PCSK5: variants seen among roughly 807,000 people sequenced by gnomAD.
PCSK5 encodes the protein proprotein convertase subtilisin/kexin type 5, also known as prohormone convertase 5.
PCSK5 carries 129 observed loss-of-function variants against 233.2 expected under a neutral mutation model. The observed-to-expected ratio is 0.55, with a 90% confidence interval of 0.48 to 0.64. The LOEUF is 0.64. PCSK5 is among the 30% of genes least tolerant of loss of function. The pLI is 0.00. For missense variants in PCSK5, 2,076 were observed against 2,430.1 expected, an observed-to-expected ratio of 0.85 and a Z score of 3.06; for synonymous variants, 825 against 879.2, an observed-to-expected ratio of 0.94 and a Z score of 1.09.
At position 76,239,110 on chromosome 9, in the gene PCSK5, G is replaced by A. The variant is rs1178027258; in HGVS notation, c.3018G>A (p.Lys1006=). The change falls in exon 23 of 38, where the codon AAG becomes AAA. Residue 1006 remains lysine (K), a synonymous_variant. Coordinates refer to ENST00000674117, the MANE Select transcript of PCSK5 (RefSeq NM_001372043.1). ...TGCATGTCTGCACAAGATGCATGAA[G>A]GGCTACTTCATAGCGCCCACCAACC... ...HSVHVCTRCM[K]GYFIAPTNHT... is the part of the protein sequence containing the mutation. 3.7e-6 allele frequency: 6 copies of A among 1,604,768 alleles called. No homozygotes were observed. The Admixed American group carries it at 1.0e-4, about 27-fold the overall frequency.
At chr9:76,226,523 C>A (rs1033183914) in intron 20 of PCSK5, among the ~76,000 whole-genome samples, 2 of 152,124 alleles carry the variant, frequency 1.3e-5, no homozygotes, top group Non-Finnish European at 2.9e-5. Context: ...TCTCACCCCA[C>A]CAGCTGGATC....
chr9:76,281,435 C>T (rs1372361722), intron 24 of PCSK5, among the ~76,000 whole-genome samples: 4 of 152,202 alleles, frequency 2.6e-5, no homozygotes, highest in Non-Finnish European at 4.4e-5. Context: ...AGGCCGGGTT[C>T]AGCACATCTG....
At chr9:75,955,645 CTT>C (rs145901547) in intron 2 of PCSK5, among the ~76,000 whole-genome samples, 1 of 146,980 alleles carries the variant, frequency 6.8e-6, no homozygotes, top group Non-Finnish European at 1.5e-5. Context: ...TGTTTCTCAG[CTT>C]TTTTTTTTGT....
chr9:76,344,090 C>T (rs1482637291), intron 35 of PCSK5, among the ~76,000 whole-genome samples: 1 of 152,144 alleles, frequency 6.6e-6, no homozygotes, highest in Non-Finnish European at 1.5e-5. Context: ...TTTACATGTA[C>T]AGCACAACTC....
intron 3 of PCSK5, among the ~76,000 whole-genome samples, chr9:75,991,284 C>T (rs1826758291): frequency 6.6e-6 from 1 of 152,062 alleles, no homozygotes; most frequent in Non-Finnish European, 1.5e-5. Flanking sequence ...GCCTACCCTC[C>T]CACCCCTGGC....
chr9:75,944,318 G>A (rs1464565961), intron 2 of PCSK5, among the ~76,000 whole-genome samples: 2 of 151,976 alleles, frequency 1.3e-5, no homozygotes, highest in Non-Finnish European at 2.9e-5. Context: ...TGTGTATGTG[G>A]CTATTGTTTT....
At chr9:75,993,891 A>G (rs1490259212) in intron 3 of PCSK5, among the ~76,000 whole-genome samples, 1 of 152,220 alleles carries the variant, frequency 6.6e-6, no homozygotes, top group Non-Finnish European at 1.5e-5. Flanking sequence ...TAGGAGTCTC[A>G]TAGGCATCCC....
At chr9:76,079,591 C>T (rs989497364) in intron 7 of PCSK5, among the ~76,000 whole-genome samples, 9 of 152,180 alleles carry the variant, frequency 5.9e-5, no homozygotes, top group African/African-American at 2.2e-4. Context: ...TTTTCCAAGT[C>T]TAGAATCGTA....
intron 10 of PCSK5, among the ~76,000 whole-genome samples, chr9:76,141,897 A>G (rs754787218): frequency 6.6e-6 from 1 of 152,102 alleles, no homozygotes; most frequent in Non-Finnish European, 1.5e-5. Flanking sequence ...CAAATACTAC[A>G]TGTTCTCACT....
rs78141247 is a variant in PCSK5 at position 76,014,416 on chromosome 9, A to G, written c.412-9322A>G. 9.5e-3 allele frequency among the ~76,000 whole-genome samples: 1,451 copies of G among 152,334 alleles called. 26 individuals carry two copies. The highest frequency in any genetic ancestry group is 0.032 in the African/African-American group (1,315 of 41,580). On this transcript the variant is annotated intron_variant, in intron 3 of 37. Coordinates refer to ENST00000674117, the MANE Select transcript of PCSK5 (RefSeq NM_001372043.1). Reference sequence around the variant, plus strand: ...AGGGTAATGTGTTAAGAAATATTTGATTTTTGATTCATAGCCAGGAAGAAA... The same window carrying G: ...AGGGTAATGTGTTAAGAAATATTTGGTTTTTGATTCATAGCCAGGAAGAAA...
chr9:76,066,419 C>G (rs1308183458), intron 5 of PCSK5, among the ~76,000 whole-genome samples: 1 of 152,168 alleles, frequency 6.6e-6, no homozygotes, highest in African/African-American at 2.4e-5. Context: ...AACATACTCT[C>G]TACTCTTTGA....
intron 10 of PCSK5, among the ~76,000 whole-genome samples, chr9:76,153,809 C>T (rs1823770573): frequency 6.6e-6 from 1 of 152,192 alleles, no homozygotes; most frequent in Non-Finnish European, 1.5e-5. Context: ...AGGCACCATT[C>T]ATTCATTTCA....
At chr9:75,972,075 C>T (rs1825834356) in intron 2 of PCSK5, among the ~76,000 whole-genome samples, 1 of 152,008 alleles carries the variant, frequency 6.6e-6, no homozygotes, top group Non-Finnish European at 1.5e-5. Flanking sequence ...AAGAAGGGGT[C>T]CAGTTTCAAT....
intron 7 of PCSK5, among the ~76,000 whole-genome samples, chr9:76,081,839 A>C (rs1830851574): frequency 6.6e-6 from 1 of 152,064 alleles, no homozygotes; most frequent in Non-Finnish European, 1.5e-5. Flanking sequence ...TCATCTAGTA[A>C]GTCTTGCATG....
At chr9:75,905,217 A>G (rs111633036) in intron 1 of PCSK5, among the ~76,000 whole-genome samples, 14 of 152,296 alleles carry the variant, frequency 9.2e-5, no homozygotes, top group East Asian at 1.9e-4. Flanking sequence ...ATGTTCTAAA[A>G]TAGATTGTTG....
rs370890110 is a variant in PCSK5, at chr9:76,175,300, T to TAGAACAGAAC, written c.1900+175_1900+176insCAGAACAGAA. On this transcript the variant is annotated intron_variant, in intron 14 of 37. Coordinates refer to ENST00000674117, the MANE Select transcript of PCSK5 (RefSeq NM_001372043.1). ...TCGAATCGAATCGAATCGAATAGAATAGAATAGAATAGAACAGAACAGAAT... is the reference window on the plus strand; with the variant it reads ...TCGAATCGAATCGAATCGAATAGAATAGAACAGAACAGAATAGAATAGAACAGAACAGAAT... 1.1e-3 allele frequency: 661 copies of TAGAACAGAAC among 588,794 alleles called. 5 individuals are homozygous for TAGAACAGAAC. The highest frequency in any genetic ancestry group is 6.7e-3 in the Middle Eastern group (18 of 2,674). The allele number at this position is 588,794 out of a possible 1,614,324, so 36.5% of individuals were successfully genotyped here.
chr9:76,175,266 G>GAATC (rs1276635301), intron 14 of PCSK5, 137 bp downstream of exon 14: 82 of 643,210 alleles, frequency 1.3e-4, no homozygotes, highest in African/African-American at 1.2e-3. Context: ...GGAATGGAAT[G>GAATC]GAATGGAATC....
In PCSK5 at chr9:75,890,972, C is replaced by T. The variant is rs1825566111; in HGVS notation, c.-210C>T. On this transcript the variant is annotated 5_prime_UTR_variant, in exon 1 of 38. Transcript: ENST00000674117. ...GCCGGAGAGCTGGGAGCACAGGTCC[C>T]GGCAGCCCCAGGGATGGTCTAGGAG... is the stretch of plus-strand genomic sequence containing the variant. The T allele has an allele frequency of 4.9e-6, 2 of 412,108 alleles. No homozygotes were observed. The highest frequency in any genetic ancestry group is 2.1e-5 in the African/African-American group (1 of 48,494). The allele number at this position is 412,108 out of a possible 1,614,324, so 25.5% of individuals were successfully genotyped here.
intron 20 of PCSK5, among the ~76,000 whole-genome samples, chr9:76,208,256 G>A (rs1825198557): frequency 1.3e-5 from 2 of 152,158 alleles, no homozygotes; most frequent in Non-Finnish European, 2.9e-5. Context: ...GGCACAGTGG[G>A]AGAGAGATGA....
Sources: gnomAD v4.1 joint callset for allele counts (sites outside exome capture counted in the v4.1 genomes callset) on GRCh38, gnomAD v4.1.1 for gene constraint, MANE v1.5 for transcripts, NCBI Gene and HGNC (gene_info 2026-07-23, HGNC 2026-07-21) for gene names.